Variants in NMNAT3 observed in about 807,000 individuals in gnomAD.
NMNAT3 encodes the protein nicotinamide/nicotinic acid mononucleotide adenylyltransferase 3.
NMNAT3 carries 21 observed loss-of-function variants against 24.8 expected under a neutral mutation model. The ratio of observed to expected loss-of-function variants is 0.85; its 90% CI spans 0.60 to 1.22. The LOEUF (loss-of-function observed/expected upper bound fraction) is 1.22, where lower values mean the gene tolerates loss of function less well. Among genes scored for constraint, NMNAT3 ranks in the 50% most tolerant of loss-of-function variants. The pLI, the probability that NMNAT3 is intolerant of heterozygous loss-of-function variation, is 0.00. For synonymous variants in NMNAT3, 136 were observed against 155.2 expected (o/e 0.88, Z 0.92); for missense variants, 387 against 436.6 (o/e 0.89, Z 1.01).
chr3:139,564,532 AT>A (rs1936883739), intron 6 of NMNAT3, among the ~76,000 whole-genome samples: 1 of 152,214 alleles, frequency 6.6e-6, no homozygotes, highest in East Asian at 1.9e-4. Flanking sequence ...TGAAGGCATC[AT>A]CCATCCCAAA....
chr3:139,638,633 C>A (rs1030329398), intron 1 of NMNAT3, among the ~76,000 whole-genome samples: 1 of 152,210 alleles, frequency 6.6e-6, no homozygotes, highest in African/African-American at 2.4e-5. Context: ...TTGCTCATCC[C>A]TCTCTCAAAC....
intron 6 of NMNAT3, chr3:139,567,055 G>C (rs1208993314): frequency 6.6e-6 from 1 of 151,726 alleles, no homozygotes; most frequent in African/African-American, 2.4e-5. Flanking sequence ...GTGGTTTGTA[G>C]TTCTCCTTGA....
chr3:139,655,989 A>G (rs1040110005), intron 1 of NMNAT3, among the ~76,000 whole-genome samples: 1 of 152,218 alleles, frequency 6.6e-6, no homozygotes, highest in South Asian at 2.1e-4. Flanking sequence ...GGAATTTTAA[A>G]AGATTAGAAT....
intron 1 of NMNAT3, among the ~76,000 whole-genome samples, chr3:139,661,408 C>T (rs542633407): frequency 6.6e-6 from 1 of 152,310 alleles, no homozygotes; most frequent in South Asian, 2.1e-4. Context: ...GTGGCTCATA[C>T]CTGTAATCCC....
rs576884282 is a variant in NMNAT3 at position 139,583,034 on chromosome 3, C to T, written c.284G>A (p.Cys95Tyr). 2.0e-4 allele frequency: 314 copies of T among 1,607,694 alleles called. 2 individuals carry two copies. The African/African-American group carries it at 3.5e-3, about 18-fold the overall frequency. ...TTTGCACTTGCTGTCATTCAAATCACAGAACGCTTGTTCTTCAGTTCTTTT... is the reference window on the plus strand; with the variant it reads ...TTTGCACTTGCTGTCATTCAAATCATAGAACGCTTGTTCTTCAGTTCTTTT... Residue 95 changes from cysteine (C) to tyrosine (Y), a missense_variant, in exon 4 of 7, where the codon TGT (cysteine) becomes TAT (tyrosine). Physicochemically the swap from Cys to Tyr is radical, Grantham distance 194. This residue lies in a region of NMNAT3 where 323 missense variants were observed against 345.2 expected (regional missense o/e 0.94). Coordinates refer to ENST00000643695, the MANE Select transcript of NMNAT3 (RefSeq NM_001320510.2).
At chr3:139,664,920 C>G (rs1194136632) in intron 1 of NMNAT3, among the ~76,000 whole-genome samples, 1 of 152,062 alleles carries the variant, frequency 6.6e-6, no homozygotes, top group African/African-American at 2.4e-5. Flanking sequence ...GACAACCTAG[C>G]AAAAACAATA....
intron 3 of NMNAT3, among the ~76,000 whole-genome samples, chr3:139,592,099 C>T (rs1382190886): frequency 6.6e-6 from 1 of 152,074 alleles, no homozygotes. Flanking sequence ...TATAACTAGA[C>T]TAACCAATAC....
intron 5 of NMNAT3, chr3:139,575,510 G>GAT (rs1487607302): frequency 1.2e-6 from 1 of 840,134 alleles, no homozygotes; most frequent in Non-Finnish European, 1.4e-6. Flanking sequence ...GAGCTTACTA[G>GAT]ATATACATGA....
At chr3:139,587,782 T>C (rs2054000265) in intron 3 of NMNAT3, among the ~76,000 whole-genome samples, 1 of 152,204 alleles carries the variant, frequency 6.6e-6, no homozygotes, top group South Asian at 2.1e-4. Context: ...CTTTTTCTCT[T>C]CCTGTTTAAA....
At chr3:139,673,032 C>T (rs1488093090) in intron 1 of NMNAT3, among the ~76,000 whole-genome samples, 1 of 152,214 alleles carries the variant, frequency 6.6e-6, no homozygotes, top group Non-Finnish European at 1.5e-5. Flanking sequence ...CGGACAACAG[C>T]AGTCAGCAGT....
intron 1 of NMNAT3, among the ~76,000 whole-genome samples, chr3:139,656,070 T>C (rs2057230845): frequency 6.6e-6 from 1 of 152,240 alleles, no homozygotes; most frequent in Non-Finnish European, 1.5e-5. Flanking sequence ...CATGCTAACT[T>C]GCATCACAAT....
intron 3 of NMNAT3, among the ~76,000 whole-genome samples, chr3:139,616,363 G>T (rs1033118055): frequency 6.6e-6 from 1 of 152,210 alleles, no homozygotes; most frequent in South Asian, 2.1e-4. Context: ...TTTGTAAGCC[G>T]ATTCTCCTTT....
At chr3:139,575,194 G>A (rs187603010) in intron 5 of NMNAT3, among the ~76,000 whole-genome samples, 5 of 152,314 alleles carry the variant, frequency 3.3e-5, no homozygotes, top group African/African-American at 1.2e-4. Context: ...GTTGGAAGGA[G>A]TGGATGAATG....
intron 3 of NMNAT3, among the ~76,000 whole-genome samples, chr3:139,595,441 C>T (rs1451037099): frequency 6.6e-6 from 1 of 152,182 alleles, no homozygotes; most frequent in Non-Finnish European, 1.5e-5. Context: ...TGACTTTCTT[C>T]ACAGAATTGG....
At chr3:139,597,000 A>G (rs975749494) in intron 3 of NMNAT3, among the ~76,000 whole-genome samples, 6 of 145,332 alleles carry the variant, frequency 4.1e-5, no homozygotes, top group African/African-American at 1.5e-4. Context: ...TTATATAGGA[A>G]ATCCCATACT....
chr3:139,652,823 C>T (rs999200166), intron 1 of NMNAT3, among the ~76,000 whole-genome samples: 11 of 152,176 alleles, frequency 7.2e-5, no homozygotes, highest in Admixed American at 5.9e-4. Context: ...AGCTGGGAAT[C>T]ACCACAGAAC....
intron 3 of NMNAT3, among the ~76,000 whole-genome samples, chr3:139,598,711 A>G (rs2054584483): frequency 6.6e-6 from 1 of 152,220 alleles, no homozygotes; most frequent in Non-Finnish European, 1.5e-5. Context: ...AATTTACACC[A>G]GTAAGTTTGG....
intron 3 of NMNAT3, among the ~76,000 whole-genome samples, chr3:139,595,956 C>T (rs949989270): frequency 3.9e-5 from 6 of 152,198 alleles, no homozygotes; most frequent in African/African-American, 9.7e-5. Flanking sequence ...CCAAAATTGA[C>T]AAATGGGATC....
At chr3:139,607,025 C>T (rs1576631273) in intron 3 of NMNAT3, among the ~76,000 whole-genome samples, 2 of 152,202 alleles carry the variant, frequency 1.3e-5, no homozygotes, top group Admixed American at 6.5e-5. Context: ...CCAAGGAGCC[C>T]TGGTTTCTTT....
Sources: allele counts gnomAD v4.1 joint callset (sites outside exome capture counted in the v4.1 genomes callset), GRCh38; gene constraint gnomAD v4.1.1; regional missense constraint gnomAD v4.1.1; transcripts MANE v1.5; gene names NCBI Gene and HGNC (gene_info 2026-07-23, HGNC 2026-07-21).